Variants in INPP5A observed in about 807,000 individuals in gnomAD.
The protein encoded by INPP5A is inositol polyphosphate-5-phosphatase A, also known as 43 kDa inositol polyphosphate 5-phophatase.
INPP5A carries 14 observed loss-of-function variants against 65.2 expected under a neutral mutation model. That is an observed-to-expected ratio of 0.21 (90% CI 0.14 to 0.34). The LOEUF (loss-of-function observed/expected upper bound fraction) is 0.34, where lower values mean the gene tolerates loss of function less well. Among genes scored for constraint, INPP5A ranks in the 10% least tolerant of loss-of-function variants. INPP5A has a pLI of 1.00. For synonymous variants in INPP5A, 207 were observed against 208.3 expected, an observed-to-expected ratio of 0.99 and a Z score of 0.05; for missense variants, 431 against 545.6, an observed-to-expected ratio of 0.79 and a Z score of 2.09.
chr10:132,764,153 T>C (rs2091646095), intron 11 of INPP5A, among the ~76,000 whole-genome samples: 1 of 152,240 alleles, frequency 6.6e-6, no homozygotes, highest in Non-Finnish European at 1.5e-5. Context: ...GGCCGGTGGC[T>C]CAGGTAGCAG....
At chr10:132,718,858 C>T (rs1339774469) in intron 8 of INPP5A, among the ~76,000 whole-genome samples, 15 of 147,202 alleles carry the variant, frequency 1.0e-4, no homozygotes, top group East Asian at 2.0e-4. Context: ...GCACCTTAGA[C>T]GGCTGTCTTC....
At chr10:132,765,566 G>A (rs1846827024) in intron 11 of INPP5A, among the ~76,000 whole-genome samples, 1 of 152,148 alleles carries the variant, frequency 6.6e-6, no homozygotes, top group Non-Finnish European at 1.5e-5. Flanking sequence ...CATCTATAAC[G>A]GGCAGGGCAG....
At chr10:132,548,444 C>A (rs1422781990) in intron 1 of INPP5A, among the ~76,000 whole-genome samples, 1 of 152,140 alleles carries the variant, frequency 6.6e-6, no homozygotes, top group Non-Finnish European at 1.5e-5. Context: ...TGGGGGTGTT[C>A]CGAGATCTGG....
rs1333582690 is a variant in INPP5A at position 132,674,061 on chromosome 10, T to G, written c.307-16331T>G. ...GGCTTGGGAAAGAGGCTGAATGGTA[T>G]CCACAGAAGGGGTCATCCTGTCCAC... On this transcript the variant is annotated intron_variant, in intron 4 of 15. Transcript: ENST00000368594. The surrounding 1 kb of genome is among the most constrained non-coding windows in gnomAD (Gnocchi z 4.4). Among the ~76,000 whole-genome samples, 1 of 152,206 alleles carries G rather than the reference T, an allele frequency of 6.6e-6. No individual in the cohort carries two copies. Among genetic ancestry groups the G allele is most frequent in the Non-Finnish European group, 1.5e-5 (1 of 68,034 alleles).
Position 132,651,536 on chromosome 10 carries a change from A to G in INPP5A, c.306+1031A>G, listed in dbSNP as rs1414507313. On this transcript the variant is annotated intron_variant, in intron 4 of 15. Coordinates refer to ENST00000368594, the MANE Select transcript of INPP5A (RefSeq NM_005539.5). This position sits in a 1 kb window ranked among gnomAD's most constrained non-coding sequence, Gnocchi z 5.0. ...GGTTCCATCTCCCCCGTCTCTGGAG[A>G]GGCCCTGCATCCTTCTCCCCCATCT... Among the ~76,000 whole-genome samples the G allele has an allele frequency of 6.6e-6, 1 of 151,408 alleles. No homozygotes were observed. The highest frequency in any genetic ancestry group is 2.4e-5 in the African/African-American group (1 of 41,144).
intron 6 of INPP5A, among the ~76,000 whole-genome samples, chr10:132,703,597 TCA>T (rs1000575769): frequency 4.8e-5 from 6 of 124,434 alleles, no homozygotes; most frequent in East Asian, 2.7e-4. Context: ...ACACATGGCT[TCA>T]CACACACACG....
chr10:132,738,852 C>A (rs1846224468), intron 9 of INPP5A, among the ~76,000 whole-genome samples: 1 of 152,200 alleles, frequency 6.6e-6, no homozygotes, highest in African/African-American at 2.4e-5. Flanking sequence ...CATTTCTGCA[C>A]CCCATAAGCT....
In INPP5A at chr10:132,650,565, C is replaced by G. The variant is rs978477146; in HGVS notation, c.306+60C>G. 24 of 1,229,258 alleles carry G rather than the reference C, an allele frequency of 2.0e-5. No individual in the cohort carries two copies. In the African/African-American group the frequency reaches 2.7e-4, roughly 14 times the overall value. 76.1% of individuals were successfully genotyped at this position (1,229,258 alleles called of 1,614,324 possible). ...ACAGGCTGGCCTTGGCAGAAGCCAG[C>G]CCTTCTCCTGTGTAAATGGAGAGAG... On this transcript the variant is annotated intron_variant, in intron 4 of 15. Transcript: ENST00000368594. The surrounding 1 kb of genome is among the most constrained non-coding windows in gnomAD (Gnocchi z 5.5).
rs996517494 is a variant in INPP5A, at chr10:132,663,401, T to C, written c.306+12896T>C. Among the ~76,000 whole-genome samples, 1 of 151,960 alleles carries C rather than the reference T, an allele frequency of 6.6e-6. No homozygotes were observed. The highest frequency in any genetic ancestry group is 1.5e-5 in the Non-Finnish European group (1 of 67,990). On this transcript the variant is annotated intron_variant, in intron 4 of 15. Transcript: ENST00000368594. The surrounding 1 kb of genome is among the most constrained non-coding windows in gnomAD (Gnocchi z 4.5). ...CACGCCTGGCTAAAAAAAAACTGTT[T>C]ATAGAGACTGGGTGTCACCGTGTTG...
chr10:132,712,434 CG>C (rs1564977412), intron 8 of INPP5A, among the ~76,000 whole-genome samples: 74 of 144,136 alleles, frequency 5.1e-4, no homozygotes, highest in African/African-American at 1.8e-3. Flanking sequence ...TGTGTGCACG[CG>C]TGTGTGGGTG....
At chr10:132,750,692 G>A (rs1295797674) in intron 11 of INPP5A, among the ~76,000 whole-genome samples, 3 of 152,248 alleles carry the variant, frequency 2.0e-5, no homozygotes, top group African/African-American at 7.2e-5. Context: ...CACGCCCACT[G>A]TGGCGATTCC....
At chr10:132,594,126 A>G (rs1225406786) in intron 1 of INPP5A, among the ~76,000 whole-genome samples, 1 of 152,216 alleles carries the variant, frequency 6.6e-6, no homozygotes, top group Non-Finnish European at 1.5e-5. Flanking sequence ...CCTTTTGCAC[A>G]TACGCTGTCT....
chr10:132,781,851 C>G lies in INPP5A; in HGVS notation c.1159-10C>G, dbSNP rs750467361. On this transcript the variant is annotated splice_polypyrimidine_tract_variant and intron_variant, in intron 14 of 15. Coordinates refer to ENST00000368594, the MANE Select transcript of INPP5A (RefSeq NM_005539.5). ...CGCCGTGCTGACACCGTCCTCTCTT[C>G]CTGCTGCAGCCCGTGTTCCTGGCCT... is the stretch of plus-strand genomic sequence containing the variant. 6.2e-7 allele frequency: 1 copy of G among 1,612,526 alleles called. No homozygotes were observed. Among genetic ancestry groups the G allele is most frequent in the African/African-American group, 1.3e-5 (1 of 74,904 alleles).
chr10:132,606,343 G>A (rs1304617350), intron 1 of INPP5A, among the ~76,000 whole-genome samples: 2 of 152,088 alleles, frequency 1.3e-5, no homozygotes, highest in South Asian at 2.1e-4. Flanking sequence ...CCTCAGTGGC[G>A]GGACAGTGGC....
At chr10:132,645,637 A>G (rs1455014170) in intron 2 of INPP5A, among the ~76,000 whole-genome samples, 3 of 152,220 alleles carry the variant, frequency 2.0e-5, no homozygotes, top group East Asian at 1.9e-4. Context: ...ACTCTTTTCT[A>G]TGGAATTTAC....
chr10:132,565,619 GTGTA>G (rs2071262776), intron 1 of INPP5A, among the ~76,000 whole-genome samples: 1 of 152,138 alleles, frequency 6.6e-6, no homozygotes, highest in Non-Finnish European at 1.5e-5. Flanking sequence ...GTGTGCATGT[GTGTA>G]TGTGTGTATA....
Position 132,663,795 on chromosome 10 carries a change from C to T in INPP5A, c.306+13290C>T, listed in dbSNP as rs1007510980. On this transcript the variant is annotated intron_variant, in intron 4 of 15. Coordinates refer to ENST00000368594, the MANE Select transcript of INPP5A (RefSeq NM_005539.5). This position sits in a 1 kb window ranked among gnomAD's most constrained non-coding sequence, Gnocchi z 4.5. ...TTCGCCCCTAGGGGTGAAGTCATCT[C>T]GCTCCTCTTCTGAGCCGTGAGCTGG... 2.0e-5 allele frequency among the ~76,000 whole-genome samples: 3 copies of T among 152,148 alleles called. No homozygotes were observed. The highest frequency in any genetic ancestry group is 4.8e-5 in the African/African-American group (2 of 41,416).
intron 4 of INPP5A, among the ~76,000 whole-genome samples, chr10:132,680,745 C>T (rs1029450457): frequency 2.0e-5 from 3 of 152,234 alleles, no homozygotes; most frequent in African/African-American, 4.8e-5. Context: ...TGGCGGGCCC[C>T]GCACTCCGAG....
chr10:132,691,672 C>T (rs1845264276), intron 5 of INPP5A, among the ~76,000 whole-genome samples: 1 of 152,240 alleles, frequency 6.6e-6, no homozygotes, highest in Non-Finnish European at 1.5e-5. Flanking sequence ...AAACTTTCCC[C>T]AGAGCCCTCC....
Sources: gnomAD v4.1 joint callset for allele counts (sites outside exome capture counted in the v4.1 genomes callset) on GRCh38, gnomAD v4.1.1 for gene constraint, Gnocchi (gnomAD v3.1) non-coding constraint, MANE v1.5 for transcripts, NCBI Gene and HGNC (gene_info 2026-07-23, HGNC 2026-07-21) for gene names.